TNIK: variants seen among roughly 807,000 people sequenced by gnomAD.
TNIK encodes TRAF2 and NCK interacting kinase.
A neutral mutation model predicts 191.3 loss-of-function variants in TNIK; 49 were observed. The observed-to-expected ratio is 0.26, with a 90% confidence interval of 0.20 to 0.32. TNIK has a LOEUF of 0.32. Among genes scored for constraint, TNIK ranks in the 10% least tolerant of loss-of-function variants. The probability of loss-of-function intolerance (pLI) is 1.00; values close to 1 mark genes in which losing one functional copy is unlikely to be tolerated. For missense variants in TNIK, 1,155 were observed against 1,702.3 expected, an observed-to-expected ratio of 0.68 and a Z score of 5.66; for synonymous variants, 594 against 600.9, an observed-to-expected ratio of 0.99 and a Z score of 0.17.
intron 15 of TNIK, among the ~76,000 whole-genome samples, chr3:171,135,331 A>G (rs1729833870): frequency 6.6e-6 from 1 of 152,262 alleles, no homozygotes; most frequent in Non-Finnish European, 1.5e-5. Context: ...AAGAATGTAA[A>G]GATCCTTGCA....
chr3:171,248,222 C>T (rs1478435352), intron 2 of TNIK, among the ~76,000 whole-genome samples: 1 of 152,100 alleles, frequency 6.6e-6, no homozygotes, highest in Non-Finnish European at 1.5e-5. Context: ...AAGAAGGTCA[C>T]CTGTGGAGAA....
At position 171,233,430 on chromosome 3, in the gene TNIK, A is replaced by ATCTG. The variant is rs374497430; in HGVS notation, c.124-5213_124-5210dup. 7.7e-3 allele frequency among the ~76,000 whole-genome samples: 1,165 copies of ATCTG among 151,840 alleles called. 8 individuals are homozygous for ATCTG. Among genetic ancestry groups the ATCTG allele is most frequent in the African/African-American group, 0.027 (1,114 of 41,448 alleles). ...TTTATGGCTCACCTGTTCTTATTCTATCTGTCTGTCTGTCTGTCTATCTAT... is the reference window on the plus strand; with the variant it reads ...TTTATGGCTCACCTGTTCTTATTCTATCTGTCTGTCTGTCTGTCTGTCTATCTAT... On this transcript the variant is annotated intron_variant, in intron 2 of 32. Transcript: ENST00000436636.
chr3:171,282,434 T>G (rs1242529233), intron 2 of TNIK, among the ~76,000 whole-genome samples: 2 of 148,980 alleles, frequency 1.3e-5, no homozygotes, highest in Non-Finnish European at 3.0e-5. Context: ...CTCCAACTCC[T>G]GGGTTCAAGC....
intron 1 of TNIK, among the ~76,000 whole-genome samples, chr3:171,449,223 G>A (rs1030780377): frequency 7.2e-5 from 11 of 152,030 alleles, no homozygotes; most frequent in Admixed American, 2.6e-4. Context: ...ACATGTGCAT[G>A]TGCCTTTACA....
At position 171,163,181 on chromosome 3, in the gene TNIK, C is replaced by G. The variant is rs557333155; in HGVS notation, c.950-1845G>C. Among the ~76,000 whole-genome samples the G allele has an allele frequency of 2.6e-5, 4 of 152,270 alleles. No homozygotes were observed. The East Asian group carries it at 5.8e-4, about 22-fold the overall frequency. Reference sequence around the variant, plus strand: ...AACCTTATGGAGGGACAAAGGCTGGCAGGGATGAAATGGCTCACTGATTCT... The same window carrying G: ...AACCTTATGGAGGGACAAAGGCTGGGAGGGATGAAATGGCTCACTGATTCT... On this transcript the variant is annotated intron_variant, in intron 10 of 32. Coordinates refer to ENST00000436636, the MANE Select transcript of TNIK (RefSeq NM_015028.4).
chr3:171,178,975 T>C (rs766364131), intron 7 of TNIK, among the ~76,000 whole-genome samples: 1 of 152,140 alleles, frequency 6.6e-6, no homozygotes, highest in African/African-American at 2.4e-5. Context: ...TCTTCAGTAA[T>C]TGGGCAGAGG....
intron 2 of TNIK, among the ~76,000 whole-genome samples, chr3:171,293,606 G>A (rs1345445827): frequency 6.6e-6 from 1 of 152,148 alleles, no homozygotes; most frequent in African/African-American, 2.4e-5. Context: ...GAGACAACAG[G>A]TCTCATGCAA....
chr3:171,282,080 G>T (rs61794365), intron 2 of TNIK, among the ~76,000 whole-genome samples: 33,912 of 152,106 alleles, frequency 0.22, 3,895 homozygotes, highest in South Asian at 0.24. Flanking sequence ...TCTAGAGAAT[G>T]AATTTTGGGC....
chr3:171,229,558 T>C (rs943327778), intron 2 of TNIK, among the ~76,000 whole-genome samples: 6 of 152,226 alleles, frequency 3.9e-5, no homozygotes, highest in African/African-American at 1.4e-4. Flanking sequence ...ATTTTGTAAT[T>C]GAGACCACCT....
At chr3:171,357,145 G>GT (rs1559968790) in intron 2 of TNIK, among the ~76,000 whole-genome samples, 2 of 152,098 alleles carry the variant, frequency 1.3e-5, no homozygotes, top group African/African-American at 4.8e-5. Context: ...GGCGGACACT[G>GT]TTTTTACTTA....
chr3:171,355,307 T>C (rs1713868795), intron 2 of TNIK, among the ~76,000 whole-genome samples: 1 of 152,172 alleles, frequency 6.6e-6, no homozygotes, highest in South Asian at 2.1e-4. Context: ...GCTTTGGTGA[T>C]TGGCTTCTGT....
intron 24 of TNIK, among the ~76,000 whole-genome samples, chr3:171,085,670 T>G (rs55962500): frequency 0.016 from 2,424 of 152,292 alleles, 58 homozygotes; most frequent in Admixed American, 0.053. Flanking sequence ...CCAAGGGGCT[T>G]TCTCTTGGGG....
chr3:171,141,611 T>A (rs1442585521), intron 12 of TNIK, among the ~76,000 whole-genome samples: 2 of 152,244 alleles, frequency 1.3e-5, no homozygotes, highest in Non-Finnish European at 2.9e-5. Context: ...TTCTGATGAC[T>A]GAGGAGCATG....
At chr3:171,176,610 G>A (rs1183525085) in intron 8 of TNIK, among the ~76,000 whole-genome samples, 2 of 152,236 alleles carry the variant, frequency 1.3e-5, no homozygotes, top group African/African-American at 2.4e-5. Flanking sequence ...TTGGGTGAAA[G>A]TTGCCTACAA....
chr3:171,293,492 AT>A (rs775037887), intron 2 of TNIK, among the ~76,000 whole-genome samples: 1 of 152,174 alleles, frequency 6.6e-6, no homozygotes, highest in African/African-American at 2.4e-5. Context: ...ATTATTTTCA[AT>A]TTTTTTCAAC....
chr3:171,327,151 G>GA (rs748676512), intron 2 of TNIK, among the ~76,000 whole-genome samples: 2 of 152,168 alleles, frequency 1.3e-5, no homozygotes, highest in Non-Finnish European at 2.9e-5. Context: ...ACCTCAGTGT[G>GA]ACTTAGTTCA....
chr3:171,190,306 AATTG>A (rs1737886335), intron 6 of TNIK, among the ~76,000 whole-genome samples: 1 of 152,208 alleles, frequency 6.6e-6, no homozygotes, highest in Admixed American at 6.5e-5. Flanking sequence ...ATATAGCAGG[AATTG>A]ATTATTCTGA....
intron 5 of TNIK, among the ~76,000 whole-genome samples, chr3:171,192,675 C>T (rs758756551): frequency 2.6e-5 from 4 of 152,178 alleles, no homozygotes; most frequent in African/African-American, 7.2e-5. Context: ...GCCCTAGAGA[C>T]CTGACAGGTT....
At chr3:171,434,440 TTTAC>T (rs1434408455) in intron 1 of TNIK, among the ~76,000 whole-genome samples, 5 of 114,786 alleles carry the variant, frequency 4.4e-5, no homozygotes, top group African/African-American at 2.0e-4. Flanking sequence ...GTAACTCTTT[TTTAC>T]TTATTTATTT....
Sources: allele counts gnomAD v4.1 joint callset (sites outside exome capture counted in the v4.1 genomes callset), GRCh38; gene constraint gnomAD v4.1.1; transcripts MANE v1.5; gene names NCBI Gene and HGNC (gene_info 2026-07-23, HGNC 2026-07-21).